The following PIEZO2 variants were observed in gnomAD, a reference collection of about 807,000 sequenced individuals.
PIEZO2 encodes piezo-type mechanosensitive ion channel component 2.
PIEZO2 carries 172 observed loss-of-function variants against 337.3 expected under a neutral mutation model. The ratio of observed to expected loss-of-function variants is 0.51; its 90% CI spans 0.45 to 0.58. The LOEUF is 0.58. Among genes scored for constraint, PIEZO2 ranks in the 20% least tolerant of loss-of-function variants. PIEZO2 has a pLI of 0.00. For missense variants in PIEZO2, 3,028 were observed against 3,391.3 expected, an observed-to-expected ratio of 0.89 and a Z score of 2.66; for synonymous variants, 1,251 against 1,228.5, an observed-to-expected ratio of 1.02 and a Z score of -0.38.
Position 11,001,664 on chromosome 18 carries a change from G to A in PIEZO2, c.161-22004C>T, listed in dbSNP as rs2035539632. On this transcript the variant is annotated intron_variant, in intron 2 of 55. Coordinates refer to ENST00000674853, the MANE Select transcript of PIEZO2 (RefSeq NM_001378183.1). The surrounding 1 kb of genome is among the most constrained non-coding windows in gnomAD (Gnocchi z 5.3). ...AGGCTGAGGTGGGCGGATCATCTGA[G>A]GTCGGGAGTTCGAGACCAACCTGGC... 6.6e-6 allele frequency among the ~76,000 whole-genome samples: 1 copy of A among 151,974 alleles called. No individual in the cohort carries two copies. Among genetic ancestry groups the A allele is most frequent in the Non-Finnish European group, 1.5e-5 (1 of 68,014 alleles).
In PIEZO2 at chr18:10,984,036, T is replaced by C. The variant is rs543571171; in HGVS notation, c.161-4376A>G. ...AGTTCTGAGAGACTCCCAGAATCTC[T>C]AACCCGGTTCACTGGTGAAGATCCT... On this transcript the variant is annotated intron_variant, in intron 2 of 55. Coordinates refer to ENST00000674853, the MANE Select transcript of PIEZO2 (RefSeq NM_001378183.1). Among the ~76,000 whole-genome samples the C allele has an allele frequency of 8.4e-4, 128 of 152,288 alleles. 1 individual carries two copies. In the Middle Eastern group the frequency reaches 0.01, roughly 12 times the overall value.
rs1298339261 is a variant in PIEZO2 at position 10,870,872 on chromosome 18, T to G, written c.492+381A>C. ...GCAAGGAGGAACTCATTTTTTTCCC[T>G]AAAACTACCAGATGTTACTTCTTTA... On this transcript the variant is annotated intron_variant, in intron 5 of 55. Transcript: ENST00000674853. This position sits in a 1 kb window ranked among gnomAD's most constrained non-coding sequence, Gnocchi z 5.3. Among the ~76,000 whole-genome samples the G allele has an allele frequency of 6.6e-6, 1 of 152,122 alleles. No individual in the cohort carries two copies. Among genetic ancestry groups the G allele is most frequent in the Non-Finnish European group, 1.5e-5 (1 of 68,022 alleles).
At chr18:11,005,171 A>G (rs1164706394) in intron 2 of PIEZO2, among the ~76,000 whole-genome samples, 2 of 152,212 alleles carry the variant, frequency 1.3e-5, no homozygotes, top group Non-Finnish European at 2.9e-5. Context: ...GGGAAAAACA[A>G]TTAGGCTATT....
intron 2 of PIEZO2, among the ~76,000 whole-genome samples, chr18:11,050,773 T>G (rs920850904): frequency 2.7e-5 from 4 of 147,666 alleles, no homozygotes; most frequent in South Asian, 2.1e-4. Flanking sequence ...CTCCAAATGT[T>G]GGAAAAGATC....
Position 10,846,957 on chromosome 18 carries a change from C to T in PIEZO2, c.917+8396G>A, listed in dbSNP as rs115130941. ...TGACTACAACAATAAAAATCAGTAG[C>T]ACTTGATATGCTCTCTCCTGCTTAC... On this transcript the variant is annotated intron_variant, in intron 7 of 55. Coordinates refer to ENST00000674853, the MANE Select transcript of PIEZO2 (RefSeq NM_001378183.1). The surrounding 1 kb of genome is among the most constrained non-coding windows in gnomAD (Gnocchi z 4.1). Among the ~76,000 whole-genome samples, 2,545 of 152,224 alleles carry T rather than the reference C, an allele frequency of 0.017. 72 individuals are homozygous for T. The highest frequency in any genetic ancestry group is 0.059 in the African/African-American group (2,432 of 41,538).
In PIEZO2 at chr18:11,083,085, T is replaced by C. The variant is rs961967221; in HGVS notation, c.65-16863A>G. On this transcript the variant is annotated intron_variant, in intron 1 of 55. Coordinates refer to ENST00000674853, the MANE Select transcript of PIEZO2 (RefSeq NM_001378183.1). This position sits in a 1 kb window ranked among gnomAD's most constrained non-coding sequence, Gnocchi z 4.4. ...CAGAGTTCACTTAGGCCGTTGCTTA[T>C]GGTTCTGGGTGGCCCATGGGAATCC... Among the ~76,000 whole-genome samples the C allele has an allele frequency of 2.0e-5, 3 of 152,216 alleles. No individual in the cohort carries two copies. Among genetic ancestry groups the C allele is most frequent in the Non-Finnish European group, 4.4e-5 (3 of 68,036 alleles).
rs373088315 is a variant in PIEZO2 at position 10,866,388 on chromosome 18, C to T, written c.492+4865G>A. ...GCAACCTCTGCCTCCCAGGTTCAAG[C>T]GATTCTCCTGCCTCAGCCTCCTGAG... On this transcript the variant is annotated intron_variant, in intron 5 of 55. Transcript: ENST00000674853. Among the ~76,000 whole-genome samples, 5 of 151,700 alleles carry T rather than the reference C, an allele frequency of 3.3e-5. No homozygotes were observed. In the East Asian group the frequency reaches 7.8e-4, roughly 24 times the overall value.
chr18:11,141,422 A>T (rs1358911504), intron 1 of PIEZO2, among the ~76,000 whole-genome samples: 1 of 152,204 alleles, frequency 6.6e-6, no homozygotes, highest in African/African-American at 2.4e-5. Flanking sequence ...AGGCACATCT[A>T]GCACCACACA....
chr18:10,754,395 T>C (rs752677507), intron 27 of PIEZO2, among the ~76,000 whole-genome samples: 7 of 152,200 alleles, frequency 4.6e-5, no homozygotes, highest in Non-Finnish European at 1.0e-4. Flanking sequence ...CCAGCAAGCA[T>C]GTGCGCTGGC....
chr18:10,874,620 T>G (rs1430138014), intron 4 of PIEZO2, among the ~76,000 whole-genome samples: 1 of 152,132 alleles, frequency 6.6e-6, no homozygotes, highest in Non-Finnish European at 1.5e-5. Context: ...ATATACACAA[T>G]GGAATATTAT....
intron 52 of PIEZO2, among the ~76,000 whole-genome samples, chr18:10,679,451 A>C (rs2034164210): frequency 6.6e-6 from 1 of 152,230 alleles, no homozygotes; most frequent in Non-Finnish European, 1.5e-5. Flanking sequence ...TCAGTTTTTA[A>C]GGAGCAGGAT....
intron 36 of PIEZO2, among the ~76,000 whole-genome samples, chr18:10,723,735 G>A (rs945446417): frequency 2.6e-5 from 4 of 152,090 alleles, no homozygotes; most frequent in Non-Finnish European, 4.4e-5. Context: ...TGGGGTGAGC[G>A]CCCTGTCACT....
chr18:11,009,512 A>C lies in PIEZO2; in HGVS notation c.161-29852T>G, dbSNP rs2035824449. Among the ~76,000 whole-genome samples, 1 of 152,234 alleles carries C rather than the reference A, an allele frequency of 6.6e-6. No individual in the cohort carries two copies. Among genetic ancestry groups the C allele is most frequent in the Non-Finnish European group, 1.5e-5 (1 of 68,042 alleles). On this transcript the variant is annotated intron_variant, in intron 2 of 55. Transcript: ENST00000674853. This position sits in a 1 kb window ranked among gnomAD's most constrained non-coding sequence, Gnocchi z 4.6. The stretch of plus-strand genomic sequence containing the variant: ...GACTGGTTGAGGCGCGTGTGAGAGC[A>C]GCGTATGAGAGTAGCAGCACCTTTC...
At chr18:10,698,902 A>G in intron 44 of PIEZO2, 23 bp downstream of exon 44, 1 of 1,535,640 alleles carries the variant, frequency 6.5e-7, no homozygotes, top group East Asian at 2.4e-5. Flanking sequence ...ACTACAGCCT[A>G]GATATATTGT....
At position 10,988,585 on chromosome 18, in the gene PIEZO2, A is replaced by C. The variant is rs191794772; in HGVS notation, c.161-8925T>G. ...TAAATAATCCCACTTCTGGGTATAC[A>C]TTCAAAATAACTGAAATCAGGATGT... On this transcript the variant is annotated intron_variant, in intron 2 of 55. Transcript: ENST00000674853. This position sits in a 1 kb window ranked among gnomAD's most constrained non-coding sequence, Gnocchi z 4.8. 7.9e-5 allele frequency among the ~76,000 whole-genome samples: 12 copies of C among 152,328 alleles called. No homozygotes were observed. The highest frequency in any genetic ancestry group is 5.9e-4 in the Admixed American group (9 of 15,294).
intron 2 of PIEZO2, among the ~76,000 whole-genome samples, chr18:11,065,702 T>C (rs1331618946): frequency 6.6e-6 from 1 of 152,198 alleles, no homozygotes; most frequent in Non-Finnish European, 1.5e-5. Context: ...CCTACCCCAT[T>C]CTCCTGTAAA....
At chr18:10,948,823 C>T (rs2033152155) in intron 3 of PIEZO2, among the ~76,000 whole-genome samples, 1 of 152,106 alleles carries the variant, frequency 6.6e-6, no homozygotes, top group Non-Finnish European at 1.5e-5. Context: ...GTGTATGTTA[C>T]AGAAATACAA....
In PIEZO2 at chr18:10,943,135, G is replaced by A. The variant is rs1220348768; in HGVS notation, c.287-31907C>T. ...GGGTCCTCATGGAGAACCTCTGCTA[G>A]GGCAGTGAGGAAGGGAAATGTGGAG... On this transcript the variant is annotated intron_variant, in intron 3 of 55. Transcript: ENST00000674853. This position sits in a 1 kb window ranked among gnomAD's most constrained non-coding sequence, Gnocchi z 4.5. 1.3e-5 allele frequency among the ~76,000 whole-genome samples: 2 copies of A among 152,220 alleles called. No homozygotes were observed. Among genetic ancestry groups the A allele is most frequent in the Non-Finnish European group, 2.9e-5 (2 of 68,030 alleles).
intron 7 of PIEZO2, among the ~76,000 whole-genome samples, chr18:10,807,802 A>T (rs2040048682): frequency 1.3e-5 from 2 of 152,216 alleles, no homozygotes; most frequent in South Asian, 2.1e-4. Context: ...TCTGTAAGAT[A>T]TATTTCTATC....
Sources: gnomAD v4.1 joint callset for allele counts (sites outside exome capture counted in the v4.1 genomes callset) on GRCh38, gnomAD v4.1.1 for gene constraint, Gnocchi (gnomAD v3.1) non-coding constraint, MANE v1.5 for transcripts, NCBI Gene and HGNC (gene_info 2026-07-23, HGNC 2026-07-21) for gene names.